The following PUDP variants were observed in gnomAD, a reference collection of about 807,000 sequenced individuals.
PUDP encodes pseudouridine-5'-phosphatase.
A neutral mutation model predicts 9.4 loss-of-function variants in PUDP; 8 were observed. The observed-to-expected ratio is 0.85, with a 90% confidence interval of 0.50 to 1.53. The LOEUF is 1.53. PUDP is among the 40% of genes most tolerant of loss of function. The pLI is 0.00. For synonymous variants in PUDP, 99 were observed against 80.7 expected (o/e 1.23, Z -1.22); for missense variants, 188 against 189.7 (o/e 0.99, Z 0.05).
chrX:7,020,945 C>T (rs1369477269), intron 1 of PUDP, among the ~76,000 whole-genome samples: 2 of 112,494 alleles, frequency 1.8e-5, no homozygotes, highest in African/African-American at 6.5e-5. Context: ...TGAGAGGTGG[C>T]CCAGAGCCAT....
chrX:6,914,435 G>A (rs948839643), intron 3 of PUDP, among the ~76,000 whole-genome samples: 3 of 111,616 alleles, frequency 2.7e-5, no homozygotes, highest in African/African-American at 6.5e-5. Flanking sequence ...TTTTCGCGAC[G>A]CAGTCTGTGA....
intron 3 of PUDP, among the ~76,000 whole-genome samples, chrX:7,059,174 C>T (rs774344847): frequency 1.8e-5 from 2 of 111,151 alleles, no homozygotes; most frequent in Non-Finnish European, 1.9e-5. Context: ...AGCTTCCTAA[C>T]GAATTCTCTC....
intron 3 of PUDP, among the ~76,000 whole-genome samples, chrX:6,728,361 C>T (rs1288365740): frequency 9.0e-6 from 1 of 111,350 alleles, no homozygotes; most frequent in Non-Finnish European, 1.9e-5. Context: ...AACACACACA[C>T]ACATACATGC....
chrX:6,885,493 G>T (rs1001220285), intron 3 of PUDP, among the ~76,000 whole-genome samples: 3 of 111,717 alleles, frequency 2.7e-5, no homozygotes, highest in African/African-American at 9.8e-5. Flanking sequence ...ACTCAACAAG[G>T]TTCCTCTCCT....
chrX:6,909,693 G>T (rs892970588), intron 3 of PUDP, among the ~76,000 whole-genome samples: 2 of 111,353 alleles, frequency 1.8e-5, no homozygotes, highest in African/African-American at 6.5e-5. Context: ...TGGTCTAAAG[G>T]CTTGGTTATC....
chrX:7,057,615 T>C, intron 3 of PUDP: 1 of 1,103,499 alleles, frequency 9.1e-7, no homozygotes. Flanking sequence ...GAGAGGTAGC[T>C]TTTGTGACAA....
intron 3 of PUDP, among the ~76,000 whole-genome samples, chrX:6,751,607 G>A (rs562330992): frequency 9.0e-6 from 1 of 111,339 alleles, no homozygotes; most frequent in South Asian, 3.8e-4. Context: ...TCTCTTGGAA[G>A]GAGCTTTGAG....
intron 1 of PUDP, among the ~76,000 whole-genome samples, chrX:7,135,367 A>G (rs1602835096): frequency 8.9e-6 from 1 of 112,258 alleles, no homozygotes; most frequent in Non-Finnish European, 1.9e-5. Flanking sequence ...TCATGCCCTG[A>G]CAAACTATCG....
chrX:6,839,305 G>A (rs1487139090), intron 3 of PUDP, among the ~76,000 whole-genome samples: 1 of 111,628 alleles, frequency 9.0e-6, no homozygotes, highest in Non-Finnish European at 1.9e-5. Flanking sequence ...ATCTGATCTG[G>A]TTTCTAGGAT....
At chrX:6,781,367 T>C (rs1925559400) in intron 3 of PUDP, among the ~76,000 whole-genome samples, 1 of 112,041 alleles carries the variant, frequency 8.9e-6, no homozygotes, top group African/African-American at 3.2e-5. Context: ...TCTTTTTTTA[T>C]GATCATTCTG....
intron 1 of PUDP, among the ~76,000 whole-genome samples, chrX:6,980,212 TC>T (rs1417937904): frequency 4.0e-5 from 4 of 101,168 alleles, no homozygotes; most frequent in Non-Finnish European, 8.0e-5. Flanking sequence ...TCTTCTCTTT[TC>T]TTTTCTTTTC....
At chrX:6,890,528 A>C (rs943280994) in intron 3 of PUDP, among the ~76,000 whole-genome samples, 1 of 111,495 alleles carries the variant, frequency 9.0e-6, no homozygotes, top group Non-Finnish European at 1.9e-5. Flanking sequence ...TTCTTGTTTC[A>C]ACCCTCAGAC....
chrX:6,970,566 T>C (rs1382520364), intron 3 of PUDP, among the ~76,000 whole-genome samples: 2 of 111,512 alleles, frequency 1.8e-5, no homozygotes, highest in Non-Finnish European at 3.8e-5. Flanking sequence ...TGCATTCATA[T>C]TTTGAAACAA....
intron 3 of PUDP, among the ~76,000 whole-genome samples, chrX:6,818,425 T>C (rs778989280): frequency 9.8e-5 from 11 of 112,471 alleles, no homozygotes; most frequent in Non-Finnish European, 1.9e-4. Flanking sequence ...GCTTCCCAAC[T>C]TAAAGTAAAT....
chrX:6,900,197 G>C (rs1927653799), intron 3 of PUDP, among the ~76,000 whole-genome samples: 1 of 110,977 alleles, frequency 9.0e-6, no homozygotes, highest in South Asian at 3.8e-4. Context: ...CTGGGCAAGA[G>C]AGCAAGATTC....
rs145713069 is a variant in PUDP at position 7,051,880 on chromosome X, T to C, written c.511-1408A>G. ...GAGACTCTGCAGAGGCCCAGACATC[T>C]GTAAGGGAAGAGAGGTCCTCGCCAT... On this transcript the variant is annotated intron_variant, in intron 3 of 3. Transcript: ENST00000381077. 8.0e-4 allele frequency among the ~76,000 whole-genome samples: 90 copies of C among 112,525 alleles called. 2 individuals carry two copies. Among genetic ancestry groups the C allele is most frequent in the Admixed American group, 1.4e-3 (15 of 10,703 alleles).
intron 3 of PUDP, among the ~76,000 whole-genome samples, chrX:6,813,533 A>AAAATGGTCT (rs1288358413): frequency 8.9e-6 from 1 of 111,835 alleles, no homozygotes; most frequent in Non-Finnish European, 1.9e-5. Flanking sequence ...TAAGAGGAGA[A>AAAATGGTCT]AAATGGTCTT....
intron 2 of PUDP, among the ~76,000 whole-genome samples, chrX:7,094,353 ATTT>A (rs57548230): frequency 0.014 from 1,052 of 73,419 alleles, 6 homozygotes; most frequent in African/African-American, 0.039. Context: ...GAATAAGCTG[ATTT>A]TTTTTTTTTT....
intron 3 of PUDP, among the ~76,000 whole-genome samples, chrX:6,730,447 T>C (rs993517739): frequency 8.9e-6 from 1 of 112,244 alleles, no homozygotes; most frequent in African/African-American, 3.2e-5. Flanking sequence ...TGGGAATCAC[T>C]AAATGATGGG....
Sources: allele counts gnomAD v4.1 joint callset (sites outside exome capture counted in the v4.1 genomes callset), GRCh38; gene constraint gnomAD v4.1.1; transcripts MANE v1.5; gene names NCBI Gene and HGNC (gene_info 2026-07-23, HGNC 2026-07-21).